UHRF1: variants seen among roughly 807,000 people sequenced by gnomAD.
The protein encoded by UHRF1 is ubiquitin like with PHD and ring finger domains 1.
UHRF1 carries 9 observed loss-of-function variants against 96.5 expected under a neutral mutation model. That is an observed-to-expected ratio of 0.09 (90% CI 0.06 to 0.16). UHRF1 has a LOEUF of 0.16. Ranked by LOEUF, UHRF1 falls within the 10% of genes least tolerant of loss-of-function variation. UHRF1 has a pLI of 1.00. For synonymous variants in UHRF1, 455 were observed against 469.9 expected (o/e 0.97, Z 0.41); for missense variants, 626 against 1,131.1 (o/e 0.55, Z 6.40).
intron 2 of UHRF1, among the ~76,000 whole-genome samples, chr19:4,922,862 C>T (rs2146312489): frequency 6.6e-6 from 1 of 152,348 alleles, no homozygotes; most frequent in East Asian, 1.9e-4. Context: ...ACTTCCTGTC[C>T]CTCCTACGTA....
chr19:4,924,465 G>T (rs145951796), intron 2 of UHRF1, among the ~76,000 whole-genome samples: 3 of 152,018 alleles, frequency 2.0e-5, no homozygotes, highest in African/African-American at 7.2e-5. Flanking sequence ...TGTATTTTTA[G>T]TGGAGACGGG....
chr19:4,924,404 C>T (rs2032801766), intron 2 of UHRF1, among the ~76,000 whole-genome samples: 1 of 152,180 alleles, frequency 6.6e-6, no homozygotes, highest in Non-Finnish European at 1.5e-5. Flanking sequence ...CCGCCTCGGC[C>T]TCCCAAAGTG....
chr19:4,940,728 A>G (rs1007091439), intron 5 of UHRF1, among the ~76,000 whole-genome samples: 3 of 151,682 alleles, frequency 2.0e-5, no homozygotes, highest in Admixed American at 6.6e-5. Context: ...GCTGGAGTGC[A>G]GTGGCACGAT....
chr19:4,925,702 A>G (rs1373229112), intron 2 of UHRF1, among the ~76,000 whole-genome samples: 3 of 151,772 alleles, frequency 2.0e-5, no homozygotes, highest in Non-Finnish European at 4.4e-5. Context: ...TTGTATCTTT[A>G]GTAGAGACGG....
chr19:4,953,730 T>C (rs1481845983), intron 13 of UHRF1, among the ~76,000 whole-genome samples: 1 of 152,132 alleles, frequency 6.6e-6, no homozygotes, highest in Non-Finnish European at 1.5e-5. Context: ...CTTCCCAAAG[T>C]GTTGGGCTTA....
chr19:4,911,824 G>A (rs763630176), intron 2 of UHRF1, among the ~76,000 whole-genome samples: 24 of 152,168 alleles, frequency 1.6e-4, no homozygotes, highest in Admixed American at 1.3e-4. Flanking sequence ...CAGTGTGATC[G>A]AAGGTGTAGG....
At chr19:4,932,715 G>T in intron 4 of UHRF1, 26 bp from the exon 5 acceptor site, 2 of 1,611,572 alleles carry the variant, frequency 1.2e-6, no homozygotes, top group Admixed American at 1.7e-5. Flanking sequence ...TTAGCACGGG[G>T]TCTAAGGCCC....
At chr19:4,917,623 C>T (rs1319292069) in intron 2 of UHRF1, among the ~76,000 whole-genome samples, 1 of 131,658 alleles carries the variant, frequency 7.6e-6, no homozygotes, top group African/African-American at 2.9e-5. Flanking sequence ...CACTGCACTC[C>T]AGCTTGGCAA....
intron 2 of UHRF1, among the ~76,000 whole-genome samples, chr19:4,914,642 C>T (rs1166801723): frequency 1.3e-5 from 2 of 151,600 alleles, no homozygotes; most frequent in Non-Finnish European, 2.9e-5. Flanking sequence ...CATCTGCGGC[C>T]CCCACCCCTC....
chr19:4,911,833 G>A (rs2032289879), intron 2 of UHRF1, among the ~76,000 whole-genome samples: 1 of 152,158 alleles, frequency 6.6e-6, no homozygotes, highest in Admixed American at 6.6e-5. Flanking sequence ...CGAAGGTGTA[G>A]GTCCCATCTG....
chr19:4,911,405 C>CGG (rs2146279913), intron 2 of UHRF1, among the ~76,000 whole-genome samples: 1 of 152,244 alleles, frequency 6.6e-6, no homozygotes, highest in Non-Finnish European at 1.5e-5. Context: ...GTAGCTAGGA[C>CGG]GGAGGGGACC....
intron 3 of UHRF1, among the ~76,000 whole-genome samples, chr19:4,929,684 T>G (rs2032988220): frequency 6.6e-6 from 1 of 152,072 alleles, no homozygotes; most frequent in African/African-American, 2.4e-5. Flanking sequence ...CAGAGTCCTG[T>G]TCGGGGCCTG....
chr19:4,956,231 T>C (rs1301639350), intron 15 of UHRF1, among the ~76,000 whole-genome samples: 1 of 152,188 alleles, frequency 6.6e-6, no homozygotes, highest in Non-Finnish European at 1.5e-5. Context: ...ATGCCCGGCC[T>C]ATTTTTTAAT....
intron 5 of UHRF1, among the ~76,000 whole-genome samples, chr19:4,937,688 TAATAAGAAACAG>T (rs2033260028): frequency 6.6e-6 from 1 of 152,168 alleles, no homozygotes; most frequent in East Asian, 1.9e-4. Context: ...TTGAGTAAGT[TAATAAGAAACAG>T]TGGTCTGCAA....
At chr19:4,941,671 CG>C in intron 6 of UHRF1, 43 bp downstream of exon 6, 4 of 1,587,358 alleles carry the variant, frequency 2.5e-6, no homozygotes, top group Non-Finnish European at 3.4e-6. Context: ...GCGGTGGGCA[CG>C]GGGCGGGGGC....
intron 2 of UHRF1, among the ~76,000 whole-genome samples, chr19:4,919,728 A>C (rs1008085425): frequency 6.6e-6 from 1 of 152,154 alleles, no homozygotes. Flanking sequence ...GTCATTTAAT[A>C]GGGACATTCA....
chr19:4,954,110 A>G lies in UHRF1; in HGVS notation c.1819-240A>G, dbSNP rs543511922. Among the ~76,000 whole-genome samples, 36 of 152,292 alleles carry G rather than the reference A, an allele frequency of 2.4e-4. No individual in the cohort carries two copies. In the South Asian group the frequency reaches 7.5e-3, roughly 32 times the overall value. The stretch of plus-strand genomic sequence containing the variant: ...CCTCTAGACGTTGGACACTTAGAAC[A>G]GTGTGCAGTTTACAACTTAGGAATT... On this transcript the variant is annotated intron_variant, in intron 13 of 16. Transcript: ENST00000650932. This position sits in a 1 kb window ranked among gnomAD's most constrained non-coding sequence, Gnocchi z 5.9.
At chr19:4,955,606 G>A (rs747574108) in intron 15 of UHRF1, among the ~76,000 whole-genome samples, 7 of 152,028 alleles carry the variant, frequency 4.6e-5, no homozygotes, top group Non-Finnish European at 1.0e-4. Context: ...ATTTCCTTCA[G>A]GCCACATTCT....
chr19:4,937,169 T>C (rs1175802398), intron 5 of UHRF1, among the ~76,000 whole-genome samples: 3 of 152,196 alleles, frequency 2.0e-5, no homozygotes, highest in Non-Finnish European at 4.4e-5. Context: ...ACACAGTATG[T>C]AACCTTTTGG....
Sources: allele counts gnomAD v4.1 joint callset (sites outside exome capture counted in the v4.1 genomes callset), GRCh38; gene constraint gnomAD v4.1.1; non-coding constraint Gnocchi (gnomAD v3.1); transcripts MANE v1.5; gene names NCBI Gene and HGNC (gene_info 2026-07-23, HGNC 2026-07-21).